Variants in LPCAT1 observed in about 807,000 individuals in gnomAD.
LPCAT1 encodes the protein lysophosphatidylcholine acyltransferase 1.
A neutral mutation model predicts 60.9 loss-of-function variants in LPCAT1; 23 were observed. The ratio of observed to expected loss-of-function variants is 0.38; its 90% CI spans 0.27 to 0.53. The LOEUF (loss-of-function observed/expected upper bound fraction) is 0.53, where lower values mean the gene tolerates loss of function less well. Ranked by LOEUF, LPCAT1 falls within the 20% of genes least tolerant of loss-of-function variation. The pLI is 0.82. For synonymous variants in LPCAT1, 340 were observed against 301.1 expected (o/e 1.13, Z -1.34); for missense variants, 622 against 723.6 (o/e 0.86, Z 1.61).
chr5:1,517,222 C>T (rs528016915), intron 1 of LPCAT1, among the ~76,000 whole-genome samples: 154 of 152,228 alleles, frequency 1.0e-3, no homozygotes, highest in African/African-American at 3.5e-3. Flanking sequence ...GGGACGGTCG[C>T]GGCTCCTGGC....
At chr5:1,506,799 C>T (rs903946975) in intron 1 of LPCAT1, among the ~76,000 whole-genome samples, 1 of 152,230 alleles carries the variant, frequency 6.6e-6, no homozygotes, top group African/African-American at 2.4e-5. Flanking sequence ...AGCCATTCCT[C>T]CCCACGGCAG....
rs1734136035 is a variant in LPCAT1 at position 1,462,394 on chromosome 5, TCTGCCTTTGACTCTAAGATGGGG to T, written c.*1234_*1256del. On this transcript the variant is annotated 3_prime_UTR_variant, in exon 14 of 14. Transcript: ENST00000283415. ...ACCCCATCCAGGGCCTGGAAGCCCC[TCTGCCTTTGACTCTAAGATGGGG>T]CAGGACCCCCGCTCTCAGTGGGATG... 6.6e-6 allele frequency: 1 copy of T among 152,436 alleles called. No homozygotes were observed. Among genetic ancestry groups the T allele is most frequent in the African/African-American group, 2.4e-5 (1 of 41,434 alleles). The allele number at this position is 152,436 out of a possible 1,614,324, so 9.4% of individuals were successfully genotyped here. A position where few individuals can be genotyped will look rare whatever the true frequency, so the allele number is the denominator to read the frequency against.
intron 2 of LPCAT1, among the ~76,000 whole-genome samples, chr5:1,498,339 C>T (rs993991379): frequency 2.0e-5 from 3 of 152,164 alleles, no homozygotes; most frequent in Non-Finnish European, 4.4e-5. Flanking sequence ...CTTCAAGCAC[C>T]AAGCCAAGCC....
rs887075027 is a variant in LPCAT1, at chr5:1,495,940, G to A, written c.279-1026C>T. ...ACCTTGGAATGGCCTTTGTGTATGC[G>A]ATGATAAACAATGGTGTAGTTACAC... On this transcript the variant is annotated intron_variant, in intron 2 of 13. Coordinates refer to ENST00000283415, the MANE Select transcript of LPCAT1 (RefSeq NM_024830.5). This position sits in a 1 kb window ranked among gnomAD's most constrained non-coding sequence, Gnocchi z 4.7. 5.9e-5 allele frequency among the ~76,000 whole-genome samples: 9 copies of A among 152,330 alleles called. No homozygotes were observed. The highest frequency in any genetic ancestry group is 5.8e-4 in the East Asian group (3 of 5,194).
chr5:1,508,018 C>A (rs528887369), intron 1 of LPCAT1, among the ~76,000 whole-genome samples: 7 of 152,378 alleles, frequency 4.6e-5, no homozygotes, highest in East Asian at 1.9e-4. Flanking sequence ...CACCCCTCCA[C>A]CTTGCGAGGA....
rs370507058 is a variant in LPCAT1, at chr5:1,509,207, G to A, written c.136-7604C>T. Among the ~76,000 whole-genome samples the A allele has an allele frequency of 2.2e-4, 33 of 152,404 alleles. No individual in the cohort carries two copies. In the East Asian group the frequency reaches 2.7e-3, roughly 12 times the overall value. On this transcript the variant is annotated intron_variant, in intron 1 of 13. Coordinates refer to ENST00000283415, the MANE Select transcript of LPCAT1 (RefSeq NM_024830.5). ...GCCGCGTCATCCCGCACAGGCGGCC[G>A]GGGCAGATGCTCAGTGCCAGCCACC...
In LPCAT1 at chr5:1,504,710, G is replaced by T. The variant is rs1484495176; in HGVS notation, c.136-3107C>A. Among the ~76,000 whole-genome samples the T allele has an allele frequency of 4.7e-5, 5 of 105,296 alleles. No homozygotes were observed. In the Admixed American group the frequency reaches 5.1e-4, roughly 11 times the overall value. The allele number at this position is 105,296 out of a possible 152,430, so 69.1% of individuals were successfully genotyped here. ...GCCTGGGCAACAAGAGCGAATCTCC[G>T]TCCCAAAAAAAAAAAAAAAAAAGCC... On this transcript the variant is annotated intron_variant, in intron 1 of 13. Transcript: ENST00000283415.
intron 1 of LPCAT1, among the ~76,000 whole-genome samples, chr5:1,517,220 C>G (rs1579818019): frequency 6.6e-6 from 1 of 152,182 alleles, no homozygotes; most frequent in East Asian, 1.9e-4. Context: ...AGGGGACGGT[C>G]GCGGCTCCTG....
chr5:1,523,837 A>G lies in LPCAT1; in HGVS notation c.8T>C (p.Leu3Pro). The change falls in exon 1 of 14, where the codon CTG becomes CCG. Residue 3 changes from leucine to proline, a missense_variant. Physicochemically the swap from Leu to Pro is moderately conservative, Grantham distance 98. Around this residue, in one of 3 missense-constraint regions of LPCAT1, gnomAD observed 125 missense variants for 114.5 expected, o/e 1.09. Coordinates refer to ENST00000283415, the MANE Select transcript of LPCAT1 (RefSeq NM_024830.5). This position sits in a 1 kb window ranked among gnomAD's most constrained non-coding sequence, Gnocchi z 7.1. The stretch of plus-strand genomic sequence containing the variant: ...GGCGGCCCGGGGTCCGCATCCCCGC[A>G]GCCTCATGGCCGCGCCGTCCCGCGG... The part of the protein sequence containing the change: MR[L>P]RGCGPRAAPA... The G allele has an allele frequency of 9.3e-7, 1 of 1,070,020 alleles. No homozygotes were observed. The allele number at this position is 1,070,020 out of a possible 1,614,324, so 66.3% of individuals were successfully genotyped here.
intron 3 of LPCAT1, 106 bp downstream of exon 3, chr5:1,494,594 A>T: frequency 9.6e-7 from 1 of 1,043,348 alleles, no homozygotes; most frequent in Non-Finnish European, 1.4e-6. Context: ...CAGAGGGGGG[A>T]CCCTCACTCC....
intron 11 of LPCAT1, among the ~76,000 whole-genome samples, chr5:1,472,431 A>T (rs531582335): frequency 2.1e-4 from 32 of 149,790 alleles, no homozygotes; most frequent in Middle Eastern, 6.8e-3. Flanking sequence ...GGGTACTGGG[A>T]CTGGGGCTTG....
intron 1 of LPCAT1, among the ~76,000 whole-genome samples, chr5:1,517,661 T>C (rs141116999): frequency 9.1e-4 from 134 of 147,442 alleles, no homozygotes; most frequent in African/African-American, 3.1e-3. Flanking sequence ...ATACGAGAAA[T>C]AGATAATTCA....
intron 8 of LPCAT1, among the ~76,000 whole-genome samples, chr5:1,478,002 A>T (rs936173072): frequency 6.6e-6 from 1 of 152,276 alleles, no homozygotes; most frequent in African/African-American, 2.4e-5. Flanking sequence ...TGCTGCCTAC[A>T]TCAGAACATC....
At chr5:1,465,617 A>G (rs10068782) in intron 13 of LPCAT1, among the ~76,000 whole-genome samples, 8,737 of 151,860 alleles carry the variant, frequency 0.058, 277 homozygotes, top group Middle Eastern at 0.086. Flanking sequence ...ACGTGCGCAC[A>G]CACACAAAAC....
rs569789326 is a variant in LPCAT1 at position 1,483,226 on chromosome 5, T to C, written c.726+202A>G. Reference sequence around the variant, plus strand: ...GACACGTGCATAGAACAGGCCGCACTCAGGAACGTGCCGAGCCCAGGGCCC... The same window carrying C: ...GACACGTGCATAGAACAGGCCGCACCCAGGAACGTGCCGAGCCCAGGGCCC... On this transcript the variant is annotated intron_variant, in intron 6 of 13. Transcript: ENST00000283415. The surrounding 1 kb of genome is among the most constrained non-coding windows in gnomAD (Gnocchi z 9.2). Among the ~76,000 whole-genome samples, 1 of 152,168 alleles carries C rather than the reference T, an allele frequency of 6.6e-6. No individual in the cohort carries two copies. The highest frequency in any genetic ancestry group is 1.9e-4 in the East Asian group (1 of 5,170).
chr5:1,491,055 C>T (rs1007845360), intron 3 of LPCAT1, among the ~76,000 whole-genome samples: 19 of 151,690 alleles, frequency 1.3e-4, no homozygotes, highest in African/African-American at 3.9e-4. Context: ...CCTCCAAGAA[C>T]GAGAAAATTG....
intron 2 of LPCAT1, among the ~76,000 whole-genome samples, chr5:1,498,236 C>T (rs1451956029): frequency 6.6e-6 from 1 of 152,232 alleles, no homozygotes; most frequent in Non-Finnish European, 1.5e-5. Context: ...TCAGTTTCCT[C>T]CTGATCCCTT....
At chr5:1,463,946 A>T in intron 13 of LPCAT1, 111 bp from the exon 14 acceptor site, 1 of 1,115,836 alleles carries the variant, frequency 9.0e-7, no homozygotes, top group Non-Finnish European at 1.3e-6. Flanking sequence ...CCCTCCAGGG[A>T]GGGTTAGAAT....
rs533362388 is a variant in LPCAT1, at chr5:1,464,723, AACAC to A, written c.1421-892_1421-889del. ...ACACACACAAAGAGCACACACGGTAAACACACATGCACGCAGACACACACACACA... is the reference window on the plus strand; with the variant it reads ...ACACACACAAAGAGCACACACGGTAAACATGCACGCAGACACACACACACA... On this transcript the variant is annotated intron_variant, in intron 13 of 13. Transcript: ENST00000283415. Among the ~76,000 whole-genome samples the A allele has an allele frequency of 2.6e-3, 385 of 147,292 alleles. 2 individuals are homozygous for A. Among genetic ancestry groups the A allele is most frequent in the African/African-American group, 9.5e-3 (373 of 39,218 alleles).
Sources: gnomAD v4.1 joint callset for allele counts (sites outside exome capture counted in the v4.1 genomes callset) on GRCh38, gnomAD v4.1.1 for gene constraint, gnomAD v4.1.1 regional missense constraint, Gnocchi (gnomAD v3.1) non-coding constraint, MANE v1.5 for transcripts, NCBI Gene and HGNC (gene_info 2026-07-23, HGNC 2026-07-21) for gene names.